Variants in ELOC observed in about 807,000 individuals in gnomAD.
The protein encoded by ELOC is elongin C, also known as elongin-C.
For synonymous variants in ELOC, 40 were observed against 51.3 expected (o/e 0.78, Z 0.94); for missense variants, 38 against 139.0 (o/e 0.27, Z 3.65).
intron 2 of ELOC, among the ~76,000 whole-genome samples, chr8:73,959,006 C>G (rs534939410): frequency 6.6e-6 from 1 of 152,200 alleles, no homozygotes; most frequent in East Asian, 1.9e-4. Flanking sequence ...GCAACTGTAA[C>G]ATGAGGGTAA....
At chr8:73,949,307 C>A (rs1211011183) in intron 3 of ELOC, among the ~76,000 whole-genome samples, 3 of 152,120 alleles carry the variant, frequency 2.0e-5, no homozygotes, top group Non-Finnish European at 4.4e-5. Flanking sequence ...ATAACTAGAA[C>A]TCCTTTTCTT....
At chr8:73,946,917 T>C in intron 3 of ELOC, 97 bp from the exon 4 acceptor site, 1 of 975,224 alleles carries the variant, frequency 1.0e-6, no homozygotes, top group East Asian at 2.5e-5. Context: ...AATGTGGCTG[T>C]ATTTAGAGAT....
In ELOC at chr8:73,956,041, T is replaced by A. The variant is rs867730792; in HGVS notation, c.18A>T (p.Lys6Asn). The change falls in exon 3 of 4, where the codon AAA (lysine) becomes AAT (asparagine). Residue 6 changes from lysine to asparagine, a missense_variant. Physicochemically the swap from Lys to Asn is moderately conservative, Grantham distance 94. Coordinates refer to ENST00000520242, the MANE Select transcript of ELOC (RefSeq NM_005648.4). The part of the protein sequence containing the change: MDGEE[K>N]TYGGCEGPDA... ...CAGGTCCTTCACAGCCACCATAGGT[T>A]TTCTCCTCTCCATCTAAAGTAAAGT... 1.9e-6 allele frequency: 3 copies of A among 1,612,438 alleles called. No individual in the cohort carries two copies. Among genetic ancestry groups the A allele is most frequent in the Middle Eastern group, 1.6e-4 (1 of 6,080 alleles).
chr8:73,947,523 C>G (rs1218774802), intron 3 of ELOC, among the ~76,000 whole-genome samples: 1 of 152,100 alleles, frequency 6.6e-6, no homozygotes, highest in East Asian at 1.9e-4. Context: ...AAAATAACCT[C>G]AATTAGCACC....
chr8:73,947,339 C>T (rs1473578000), intron 3 of ELOC, among the ~76,000 whole-genome samples: 1 of 152,018 alleles, frequency 6.6e-6, no homozygotes, highest in East Asian at 1.9e-4. Context: ...AGAGGGAAAA[C>T]TGTGTGAAGA....
chr8:73,971,754 CAG>C (rs1815422082), intron 1 of ELOC: 2 of 152,156 alleles, frequency 1.3e-5, no homozygotes, highest in South Asian at 4.2e-4. Context: ...GAGGAACAAG[CAG>C]AAAGGAAAAG....
At chr8:73,968,422 C>T (rs1235417929) in intron 1 of ELOC, among the ~76,000 whole-genome samples, 9 of 152,190 alleles carry the variant, frequency 5.9e-5, no homozygotes, top group Non-Finnish European at 1.0e-4. Context: ...CCCCTGCAAA[C>T]GACCTAATTA....
chr8:73,957,706 G>C (rs1814288216), intron 2 of ELOC, among the ~76,000 whole-genome samples: 1 of 152,150 alleles, frequency 6.6e-6, no homozygotes, highest in East Asian at 1.9e-4. Flanking sequence ...ATTTAAAGGA[G>C]ACTAAAGAGA....
intron 3 of ELOC, among the ~76,000 whole-genome samples, chr8:73,949,966 A>T: frequency 6.6e-6 from 1 of 152,108 alleles, no homozygotes; most frequent in African/African-American, 2.4e-5. Context: ...AAAGCAATTC[A>T]TCAGATTCAT....
intron 3 of ELOC, among the ~76,000 whole-genome samples, chr8:73,954,895 G>T (rs1049820956): frequency 6.6e-5 from 10 of 151,550 alleles, no homozygotes; most frequent in African/African-American, 2.2e-4. Context: ...TTAGCCAGGC[G>T]TGGTGGTAGG....
At chr8:73,948,835 ACAAGCAAGCAAGCAAGCAAG>A (rs149713108) in intron 3 of ELOC, among the ~76,000 whole-genome samples, 134 of 150,380 alleles carry the variant, frequency 8.9e-4, no homozygotes, top group Non-Finnish European at 1.2e-3. Context: ...CCTGTCACTC[ACAAGCAAGCAAGCAAGCAAG>A]CAAGCAAGCA....
At chr8:73,949,068 T>C (rs1394886175) in intron 3 of ELOC, among the ~76,000 whole-genome samples, 2 of 152,034 alleles carry the variant, frequency 1.3e-5, no homozygotes, top group Non-Finnish European at 2.9e-5. Context: ...CCTTTACACA[T>C]AGAGATAAAA....
At chr8:73,957,675 T>C (rs1177487152) in intron 2 of ELOC, among the ~76,000 whole-genome samples, 1 of 152,216 alleles carries the variant, frequency 6.6e-6, no homozygotes, top group Non-Finnish European at 1.5e-5. Context: ...AATTGAGGAA[T>C]AGTCTTTGAA....
intron 3 of ELOC, among the ~76,000 whole-genome samples, chr8:73,951,685 A>AAAACG (rs1813777172): frequency 5.5e-5 from 8 of 146,536 alleles, no homozygotes; most frequent in African/African-American, 1.5e-4. Context: ...ACAACAAAAC[A>AAAACG]ACAGACAAAA....
intron 2 of ELOC, 100 bp downstream of exon 2, chr8:73,959,665 T>C (rs1173794175): frequency 1.0e-6 from 1 of 992,866 alleles, no homozygotes; most frequent in Non-Finnish European, 1.5e-6. Context: ...CTAATTTCAG[T>C]CTACTGAAAT....
chr8:73,956,595 G>T (rs990866512), intron 2 of ELOC, among the ~76,000 whole-genome samples: 2 of 152,092 alleles, frequency 1.3e-5, no homozygotes, highest in African/African-American at 4.8e-5. Context: ...AAATTCACTA[G>T]TTTTTTCAAG....
chr8:73,950,333 T>C (rs990048627), intron 3 of ELOC, among the ~76,000 whole-genome samples: 5 of 152,184 alleles, frequency 3.3e-5, no homozygotes, highest in African/African-American at 9.6e-5. Context: ...GAATTCATGA[T>C]GACATTCACT....
chr8:73,952,400 C>T (rs1813836000), intron 3 of ELOC, among the ~76,000 whole-genome samples: 1 of 146,176 alleles, frequency 6.8e-6, no homozygotes, highest in African/African-American at 2.5e-5. Context: ...CAGCAAGACG[C>T]TGTCTCAAAA....
chr8:73,950,272 A>G (rs1029299493), intron 3 of ELOC, among the ~76,000 whole-genome samples: 3 of 152,230 alleles, frequency 2.0e-5, no homozygotes, highest in African/African-American at 7.2e-5. Flanking sequence ...GAACAATCTG[A>G]GCACCAGTAA....
Sources: gnomAD v4.1 joint callset for allele counts (sites outside exome capture counted in the v4.1 genomes callset) on GRCh38, gnomAD v4.1.1 for gene constraint, MANE v1.5 for transcripts, NCBI Gene and HGNC (gene_info 2026-07-23, HGNC 2026-07-21) for gene names.